Variants in RNF150 observed in about 807,000 individuals in gnomAD.
The protein encoded by RNF150 is ring finger protein 150.
A neutral mutation model predicts 39.3 loss-of-function variants in RNF150; 24 were observed. That is an observed-to-expected ratio of 0.61 (90% confidence interval 0.44 to 0.86). The LOEUF is 0.86. RNF150 is among the 40% of genes least tolerant of loss of function. The pLI, the probability that RNF150 is intolerant of heterozygous loss-of-function variation, is 0.00. For synonymous variants in RNF150, 255 were observed against 227.3 expected, an observed-to-expected ratio of 1.12 and a Z score of -1.10; for missense variants, 502 against 587.8, an observed-to-expected ratio of 0.85 and a Z score of 1.51.
At chr4:141,172,844 G>A (rs987571457) in intron 1 of RNF150, among the ~76,000 whole-genome samples, 5 of 152,134 alleles carry the variant, frequency 3.3e-5, no homozygotes, top group African/African-American at 1.2e-4. Context: ...GGCCAACATA[G>A]TGAAACCCCA....
chr4:140,920,956 A>C (rs1479362284), intron 5 of RNF150, among the ~76,000 whole-genome samples: 2 of 151,882 alleles, frequency 1.3e-5, no homozygotes, highest in Admixed American at 1.3e-4. Context: ...CAAACACTGC[A>C]TATTCTCACT....
chr4:141,078,879 A>G (rs1156968286), intron 1 of RNF150, among the ~76,000 whole-genome samples: 1 of 148,040 alleles, frequency 6.8e-6, no homozygotes, highest in Non-Finnish European at 1.5e-5. Flanking sequence ...ATACACACAT[A>G]TATACACATA....
intron 1 of RNF150, among the ~76,000 whole-genome samples, chr4:141,170,931 T>G (rs972209781): frequency 2.6e-5 from 4 of 152,220 alleles, no homozygotes; most frequent in African/African-American, 9.6e-5. Flanking sequence ...GGCTGATTTT[T>G]AGTCCATAAC....
chr4:141,206,407 G>A (rs973227534), intron 1 of RNF150, among the ~76,000 whole-genome samples: 1 of 119,972 alleles, frequency 8.3e-6, no homozygotes, highest in Non-Finnish European at 1.6e-5. Flanking sequence ...TGACAACAAT[G>A]AGACTCAATC....
rs1452012711 is a variant in RNF150 at position 140,994,527 on chromosome 4, A to G, written c.485-26654T>C. On this transcript the variant is annotated intron_variant, in intron 1 of 6. Coordinates refer to ENST00000515673, the MANE Select transcript of RNF150 (RefSeq NM_020724.2). ...CTGCCTATTTAAGCAGCCCTAACAA[A>G]CCAAAGCCAGGGGCTAATATTGAAC... is the stretch of plus-strand genomic sequence containing the variant. Among the ~76,000 whole-genome samples, 2 of 152,202 alleles carry G rather than the reference A, an allele frequency of 1.3e-5. 1 individual carries two copies. The highest frequency in any genetic ancestry group is 4.1e-4 in the South Asian group (2 of 4,832).
chr4:140,883,701 C>T (rs1273459703), intron 6 of RNF150, among the ~76,000 whole-genome samples: 1 of 152,128 alleles, frequency 6.6e-6, no homozygotes, highest in African/African-American at 2.4e-5. Context: ...TTGCTGCTTT[C>T]AAGATTCTAT....
At chr4:140,943,663 T>C (rs184487812) in intron 4 of RNF150, among the ~76,000 whole-genome samples, 183 of 152,338 alleles carry the variant, frequency 1.2e-3, no homozygotes, top group Middle Eastern at 3.4e-3. Flanking sequence ...CTATTTCCTT[T>C]AGAGCATGCA....
chr4:141,170,758 A>T (rs1206917559), intron 1 of RNF150, among the ~76,000 whole-genome samples: 1 of 152,214 alleles, frequency 6.6e-6, no homozygotes, highest in Non-Finnish European at 1.5e-5. Context: ...GCAAATGGTA[A>T]ATCACCTCAT....
At position 141,210,237 on chromosome 4, in the gene RNF150, T is replaced by C. The variant is rs565307216; in HGVS notation, c.-6+2557A>G. On this transcript the variant is annotated intron_variant, in intron 1 of 7. Transcript: ENST00000420921. ...TCTGTGGACACTCTGGAGGCCTAAG[T>C]TGACAATTCTTTCCACCAGTGAGTA... Among the ~76,000 whole-genome samples, 5 of 152,312 alleles carry C rather than the reference T, an allele frequency of 3.3e-5. No individual in the cohort carries two copies. In the East Asian group the frequency reaches 9.6e-4, roughly 29 times the overall value.
At chr4:140,902,532 T>C (rs1375805592) in intron 6 of RNF150, among the ~76,000 whole-genome samples, 1 of 152,242 alleles carries the variant, frequency 6.6e-6, no homozygotes, top group East Asian at 1.9e-4. Flanking sequence ...GAATTAGTTA[T>C]TTGATGGCAT....
intron 1 of RNF150, among the ~76,000 whole-genome samples, chr4:141,140,568 C>T (rs113958900): frequency 0.013 from 1,994 of 152,200 alleles, 18 homozygotes; most frequent in Middle Eastern, 0.034. Context: ...TCATTGAGTA[C>T]ATTTTAAAAA....
intron 1 of RNF150, among the ~76,000 whole-genome samples, chr4:141,027,912 GTTTTTTTTTTTTTGTTTTTTTT>G (rs1333119274): frequency 1.5e-4 from 4 of 27,104 alleles, no homozygotes; most frequent in Non-Finnish European, 2.6e-4. Context: ...CTTGGAATTT[GTTTTTTTTTTTTTGTTTTTTTT>G]TTTTTTTTTT....
intron 5 of RNF150, among the ~76,000 whole-genome samples, chr4:140,922,099 G>T (rs1189011916): frequency 6.6e-6 from 1 of 151,906 alleles, no homozygotes; most frequent in Admixed American, 6.6e-5. Context: ...ATTCAACATA[G>T]TGTTGGAAGT....
chr4:141,171,929 G>A lies in RNF150; in HGVS notation c.-6+40865C>T, dbSNP rs555991985. Among the ~76,000 whole-genome samples the A allele has an allele frequency of 2.1e-4, 32 of 152,188 alleles. 1 individual carries two copies. The highest frequency in any genetic ancestry group is 1.9e-3 in the South Asian group (9 of 4,820). On this transcript the variant is annotated intron_variant, in intron 1 of 7. Coordinates refer to the RNF150 transcript ENST00000420921. ...CCTAGGTGCTTCTTCTCATGTGAGC[G>A]TCTAGTCATGCTTAGAGTAAGTTAA...
intron 1 of RNF150, among the ~76,000 whole-genome samples, chr4:141,119,968 T>C (rs1372978906): frequency 6.6e-6 from 1 of 152,238 alleles, no homozygotes; most frequent in African/African-American, 2.4e-5. Context: ...AAAGTGTATA[T>C]AATAAAAATT....
At chr4:141,174,887 GA>G (rs548297378) in intron 1 of RNF150, among the ~76,000 whole-genome samples, 52,061 of 126,504 alleles carry the variant, frequency 0.41, 11,248 homozygotes, top group Non-Finnish European at 0.53. Context: ...CCTGTATCAG[GA>G]AAAAAAAAAA....
chr4:141,085,394 C>A (rs1043122934), intron 1 of RNF150, among the ~76,000 whole-genome samples: 2 of 152,174 alleles, frequency 1.3e-5, no homozygotes, highest in African/African-American at 4.8e-5. Context: ...AGGGGCGTAG[C>A]CACCATGCTC....
intron 6 of RNF150, among the ~76,000 whole-genome samples, chr4:140,905,232 A>AT (rs11458697): frequency 0.039 from 5,854 of 151,612 alleles, 186 homozygotes; most frequent in Admixed American, 0.077. Context: ...ATACATATAT[A>AT]TTTTTTTTTC....
chr4:140,914,011 T>C (rs1730717753), intron 5 of RNF150, among the ~76,000 whole-genome samples: 1 of 152,236 alleles, frequency 6.6e-6, no homozygotes, highest in Non-Finnish European at 1.5e-5. Context: ...GGTTGTTCTT[T>C]TGGCCATAAA....
Sources: allele counts gnomAD v4.1 joint callset (sites outside exome capture counted in the v4.1 genomes callset), GRCh38; gene constraint gnomAD v4.1.1; transcripts MANE v1.5; gene names NCBI Gene and HGNC (gene_info 2026-07-23, HGNC 2026-07-21).